The following TMEM209 variants were observed in gnomAD, a reference collection of about 807,000 sequenced individuals.
The protein encoded by TMEM209 is testicular tissue protein Li 202.
TMEM209 carries 65 observed loss-of-function variants against 76.2 expected under a neutral mutation model. The ratio of observed to expected loss-of-function variants is 0.85; its 90% CI spans 0.70 to 1.05. TMEM209 has a LOEUF of 1.05. Among genes scored for constraint, TMEM209 ranks in the 50% least tolerant of loss-of-function variants. The probability of loss-of-function intolerance (pLI) is 0.00; values close to 1 mark genes in which losing one functional copy is unlikely to be tolerated. For synonymous variants in TMEM209, 239 were observed against 237.6 expected (o/e 1.01, Z -0.06); for missense variants, 623 against 685.5 (o/e 0.91, Z 1.02).
Position 130,184,230 on chromosome 7 carries a change from C to T in TMEM209, c.977G>A (p.Arg326Lys). The T allele has an allele frequency of 6.2e-7, 1 of 1,607,414 alleles. No individual in the cohort carries two copies. The highest frequency in any genetic ancestry group is 8.5e-7 in the Non-Finnish European group (1 of 1,177,374). ...TGAATCCATATGATCAAGAAGTTGTCTATTCATAGCCACTCTTGCCCAGAC... is the reference window on the plus strand; with the variant it reads ...TGAATCCATATGATCAAGAAGTTGTTTATTCATAGCCACTCTTGCCCAGAC... Reference protein sequence around the residue: ...EEVWARVAMNRQLLDHMDSWT... With the variant: ...EEVWARVAMNKQLLDHMDSWT... The change falls in exon 8 of 15, where the codon AGA (arginine) becomes AAA (lysine). Residue 326 changes from arginine to lysine, a missense_variant. By Grantham distance (26) the Arg-to-Lys change is conservative. Coordinates refer to ENST00000397622, the MANE Select transcript of TMEM209 (RefSeq NM_032842.4).
chr7:130,168,426 C>T (rs1013253094), intron 14 of TMEM209, among the ~76,000 whole-genome samples: 1 of 152,148 alleles, frequency 6.6e-6, no homozygotes, highest in Middle Eastern at 3.4e-3. Context: ...CCGAAACACT[C>T]CTGGTTCCAA....
intron 8 of TMEM209, among the ~76,000 whole-genome samples, chr7:130,183,621 T>C (rs115905150): frequency 1.7e-3 from 260 of 152,260 alleles, no homozygotes; most frequent in African/African-American, 6.2e-3. Flanking sequence ...GGGAAGTCCA[T>C]ATGCCTAACA....
At chr7:130,183,187 A>G (rs531670057) in intron 8 of TMEM209, among the ~76,000 whole-genome samples, 1 of 152,334 alleles carries the variant, frequency 6.6e-6, no homozygotes, top group Admixed American at 6.5e-5. Flanking sequence ...AACAAACTCC[A>G]GTTTCAGGAG....
In TMEM209 at chr7:130,173,711, AC is replaced by A. The variant is rs1385923436; in HGVS notation, c.1477del (p.Val493PhefsTer37). On this transcript the variant is annotated frameshift_variant, in exon 13 of 15. Transcript: ENST00000397622. LOFTEE classifies it high-confidence loss of function. The part of the protein sequence containing the change: ...PNKPDVTNEN[V>X]FCIYQSAINP... ...GATAGCACTCTGATAAATGCAAAAA[AC>A]ATTCTCATTTGTAACATCTGTAAAG... The A allele has an allele frequency of 1.9e-6, 3 of 1,613,894 alleles. No individual in the cohort carries two copies. Among genetic ancestry groups the A allele is most frequent in the African/African-American group, 1.3e-5 (1 of 75,048 alleles).
chr7:130,190,711 A>C (rs1370104514), intron 6 of TMEM209, among the ~76,000 whole-genome samples: 2 of 152,142 alleles, frequency 1.3e-5, no homozygotes, highest in Non-Finnish European at 2.9e-5. Context: ...TCAAAGTTTG[A>C]TGGGGTCAGG....
At chr7:130,179,080 G>A (rs1167946638) in intron 9 of TMEM209, among the ~76,000 whole-genome samples, 1 of 152,086 alleles carries the variant, frequency 6.6e-6, no homozygotes, top group East Asian at 1.9e-4. Flanking sequence ...TAGCCATCGT[G>A]CCTGGCCCAA....
intron 6 of TMEM209, among the ~76,000 whole-genome samples, chr7:130,187,480 G>C (rs940507762): frequency 6.6e-6 from 1 of 151,864 alleles, no homozygotes; most frequent in African/African-American, 2.4e-5. Flanking sequence ...AAGGATTTGG[G>C]CCCTTAAGAG....
At position 130,164,795 on chromosome 7, in the gene TMEM209, A is replaced by G. The variant is rs965999630; in HGVS notation, c.*1656T>C. ...ACAGCATGACAATTGTTATTCCAAG[A>G]CATCTTCAGTAACTTTTGAAATAGC... On this transcript the variant is annotated 3_prime_UTR_variant, in exon 15 of 15. Transcript: ENST00000397622. The G allele has an allele frequency of 6.6e-6, 1 of 152,196 alleles. No homozygotes were observed. Among genetic ancestry groups the G allele is most frequent in the Non-Finnish European group, 1.5e-5 (1 of 68,010 alleles). 9.4% of individuals were successfully genotyped at this position (152,196 alleles called of 1,614,324 possible).
At chr7:130,203,056 T>A (rs1798275827) in intron 3 of TMEM209, among the ~76,000 whole-genome samples, 1 of 151,384 alleles carries the variant, frequency 6.6e-6, no homozygotes, top group Non-Finnish European at 1.5e-5. Flanking sequence ...GCCACTGTAC[T>A]CCAGCCTGGG....
At chr7:130,186,407 T>C (rs1797599957) in intron 6 of TMEM209, among the ~76,000 whole-genome samples, 1 of 152,178 alleles carries the variant, frequency 6.6e-6, no homozygotes, top group Non-Finnish European at 1.5e-5. Flanking sequence ...CATAAAAAGT[T>C]ATATACAGTA....
Position 130,166,405 on chromosome 7 carries a change from T to C in TMEM209, c.*46A>G, listed in dbSNP as rs1453578501. 1 of 1,486,636 alleles carries C rather than the reference T, an allele frequency of 6.7e-7. No homozygotes were observed. Among genetic ancestry groups the C allele is most frequent in the East Asian group, 2.5e-5 (1 of 39,856 alleles). 92.1% of individuals were successfully genotyped at this position (1,486,636 alleles called of 1,614,324 possible). On this transcript the variant is annotated 3_prime_UTR_variant, in exon 15 of 15. Coordinates refer to ENST00000397622, the MANE Select transcript of TMEM209 (RefSeq NM_032842.4). ...CTCAGAGATGTTTAGTTTCGACTTC[T>C]GGTTCAGTGAAATAGTCTAAATGTC...
At chr7:130,186,712 T>C (rs1797610228) in intron 6 of TMEM209, among the ~76,000 whole-genome samples, 1 of 152,090 alleles carries the variant, frequency 6.6e-6, no homozygotes, top group Non-Finnish European at 1.5e-5. Context: ...TGGGCATTAG[T>C]CAAAGCAAAG....
At position 130,205,328 on chromosome 7, in the gene TMEM209, G is replaced by A. The variant is rs147025468; in HGVS notation, c.3+45C>T. ...CAGGCGCGGAACTCCCACAACCCGCGTAGATTCCAAGACAGGAAGCACAAA... is the reference window on the plus strand; with the variant it reads ...CAGGCGCGGAACTCCCACAACCCGCATAGATTCCAAGACAGGAAGCACAAA... On this transcript the variant is annotated intron_variant, in intron 1 of 14. Transcript: ENST00000397622. The A allele has an allele frequency of 2.8e-4, 447 of 1,613,802 alleles. No homozygotes were observed. The African/African-American group carries it at 5.2e-3, about 19-fold the overall frequency.
chr7:130,192,918 G>A (rs1797848783), intron 5 of TMEM209, 95 bp from the exon 6 acceptor site: 3 of 1,165,756 alleles, frequency 2.6e-6, no homozygotes, highest in Non-Finnish European at 3.7e-6. Context: ...GTAGAATGGC[G>A]AAAATCCACA....
chr7:130,172,193 ATAACCTTT>A (rs1797091983), intron 13 of TMEM209, among the ~76,000 whole-genome samples: 1 of 152,242 alleles, frequency 6.6e-6, no homozygotes, highest in Non-Finnish European at 1.5e-5. Context: ...AATTGATACA[ATAACCTTT>A]ATTATAAAGT....
At chr7:130,176,861 A>G (rs1797253189) in intron 10 of TMEM209, among the ~76,000 whole-genome samples, 1 of 151,984 alleles carries the variant, frequency 6.6e-6, no homozygotes, top group South Asian at 2.1e-4. Flanking sequence ...AACACAGGAA[A>G]TATTAGGGCC....
At chr7:130,175,370 A>G in intron 11 of TMEM209, 142 bp downstream of exon 11, 4 of 683,260 alleles carry the variant, frequency 5.9e-6, no homozygotes, top group African/African-American at 1.8e-5. Context: ...CTGAGCTGGG[A>G]GGAGCACTTG....
intron 13 of TMEM209, 68 bp from the exon 14 acceptor site, chr7:130,170,541 ATATCT>A: frequency 8.2e-7 from 1 of 1,215,586 alleles, no homozygotes; most frequent in South Asian, 1.3e-5. Flanking sequence ...AGGTAAATAC[ATATCT>A]TATCAATTCA....
chr7:130,198,773 T>G (rs1798083843), intron 5 of TMEM209, among the ~76,000 whole-genome samples: 1 of 152,222 alleles, frequency 6.6e-6, no homozygotes, highest in Non-Finnish European at 1.5e-5. Flanking sequence ...AACATTTTAG[T>G]GGTGTTTTTC....
Sources: gnomAD v4.1 joint callset for allele counts (sites outside exome capture counted in the v4.1 genomes callset) on GRCh38, gnomAD v4.1.1 for gene constraint, MANE v1.5 for transcripts, NCBI Gene and HGNC (gene_info 2026-07-23, HGNC 2026-07-21) for gene names.